HAS2: variants seen among roughly 807,000 people sequenced by gnomAD.
The protein encoded by HAS2 is hyaluronan synthase 2.
HAS2 carries 16 observed loss-of-function variants against 51.6 expected under a neutral mutation model. The observed-to-expected ratio is 0.31, with a 90% CI of 0.21 to 0.47. The LOEUF is 0.47. HAS2 is among the 20% of genes least tolerant of loss of function. HAS2 has a pLI of 1.00. For synonymous variants in HAS2, 228 were observed against 235.5 expected (o/e 0.97, Z 0.29); for missense variants, 361 against 662.6 (o/e 0.54, Z 5.00).
At chr8:121,630,137 C>G (rs112330658) in intron 1 of HAS2, among the ~76,000 whole-genome samples, 1 of 152,084 alleles carries the variant, frequency 6.6e-6, no homozygotes, top group Non-Finnish European at 1.5e-5. Context: ...ATCATGAATA[C>G]TAGATGATTA....
chr8:121,630,234 A>G (rs533128491), intron 1 of HAS2, among the ~76,000 whole-genome samples: 2 of 152,298 alleles, frequency 1.3e-5, no homozygotes, highest in South Asian at 2.1e-4. Context: ...GACAAATAAC[A>G]TCATGATTTA....
intron 2 of HAS2, among the ~76,000 whole-genome samples, chr8:121,622,651 G>T (rs1480165562): frequency 2.1e-5 from 3 of 144,072 alleles, no homozygotes. Flanking sequence ...TATAAAGATG[G>T]AATATTACAT....
chr8:121,614,136 T>C lies in HAS2; in HGVS notation c.1632A>G (p.Gln544=). The C allele has an allele frequency of 6.2e-7, 1 of 1,614,126 alleles. No individual in the cohort carries two copies. Among genetic ancestry groups the C allele is most frequent in the Non-Finnish European group, 8.5e-7 (1 of 1,179,980 alleles). ...ATACATCAAGCACCATGTCATATTG[T>C]TGTCCCTTCTTCCGCCTGCCACACT... The part of the protein sequence containing the change: ...INKCGRRKKG[Q]QYDMVLDV Residue 544 remains glutamine (Q), a synonymous_variant, in exon 4 of 4, where the codon CAA becomes CAG. Coordinates refer to ENST00000303924, the MANE Select transcript of HAS2 (RefSeq NM_005328.3). This position sits in a 1 kb window ranked among gnomAD's most constrained non-coding sequence, Gnocchi z 7.2.
At chr8:121,620,283 A>AGCCCTT (rs1812756438) in intron 2 of HAS2, among the ~76,000 whole-genome samples, 3 of 152,320 alleles carry the variant, frequency 2.0e-5, no homozygotes, top group African/African-American at 7.2e-5. Context: ...GCATAATTTT[A>AGCCCTT]GCCCTTCTTA....
intron 1 of HAS2, among the ~76,000 whole-genome samples, chr8:121,639,028 T>C (rs1563625333): frequency 6.6e-6 from 1 of 152,232 alleles, no homozygotes; most frequent in Non-Finnish European, 1.5e-5. Context: ...CCTGGTTTAA[T>C]ACCGCCAGAA....
chr8:121,635,190 A>AGGTCAAACTGACC (rs1812992815), intron 1 of HAS2, among the ~76,000 whole-genome samples: 1 of 152,118 alleles, frequency 6.6e-6, no homozygotes, highest in African/African-American at 2.4e-5. Flanking sequence ...GACCTCTGGA[A>AGGTCAAACTGACC]CCAGACTGAG....
At chr8:121,626,147 G>A (rs1406648691) in intron 2 of HAS2, among the ~76,000 whole-genome samples, 3 of 152,162 alleles carry the variant, frequency 2.0e-5, no homozygotes, top group Non-Finnish European at 4.4e-5. Flanking sequence ...GACAAGAAGT[G>A]AGGTTGGATA....
intron 2 of HAS2, among the ~76,000 whole-genome samples, chr8:121,628,343 T>C (rs910627335): frequency 1.3e-5 from 2 of 152,160 alleles, no homozygotes; most frequent in Non-Finnish European, 2.9e-5. Flanking sequence ...AGGCAGACAC[T>C]ATTTTCTTAC....
chr8:121,626,911 C>G (rs1265959448), intron 2 of HAS2, among the ~76,000 whole-genome samples: 1 of 152,142 alleles, frequency 6.6e-6, no homozygotes, highest in African/African-American at 2.4e-5. Context: ...CTATCTCAGC[C>G]TGGAGGAAGA....
intron 1 of HAS2, among the ~76,000 whole-genome samples, chr8:121,635,706 T>A (rs1250804893): frequency 2.0e-5 from 3 of 152,232 alleles, no homozygotes; most frequent in African/African-American, 7.2e-5. Flanking sequence ...GTTCAGTGTC[T>A]TTTCAACTTT....
At position 121,613,683 on chromosome 8, in the gene HAS2, A is replaced by T. The variant is rs2130429459; in HGVS notation, c.*426T>A. The T allele has an allele frequency of 6.0e-6, 1 of 165,846 alleles. No homozygotes were observed. The highest frequency in any genetic ancestry group is 1.7e-4 in the East Asian group (1 of 5,990). The allele number at this position is 165,846 out of a possible 1,614,324, so 10.3% of individuals were successfully genotyped here. A position where few individuals can be genotyped will look rare whatever the true frequency, so the allele number is the denominator to read the frequency against. ...GGCATTTCATTTGGTAAAGTTAAAAAGAAAATCCTTCCTAAAAAAAAAAAA... is the reference window on the plus strand; with the variant it reads ...GGCATTTCATTTGGTAAAGTTAAAATGAAAATCCTTCCTAAAAAAAAAAAA... On this transcript the variant is annotated 3_prime_UTR_variant, in exon 4 of 4. Coordinates refer to ENST00000303924, the MANE Select transcript of HAS2 (RefSeq NM_005328.3).
intron 1 of HAS2, among the ~76,000 whole-genome samples, chr8:121,638,311 G>C (rs1181454629): frequency 6.6e-6 from 1 of 152,136 alleles, no homozygotes; most frequent in Admixed American, 6.5e-5. Context: ...TTCCAGGAAG[G>C]TAGCTGACTA....
rs562501827 is a variant in HAS2, at chr8:121,613,696, TA to T, written c.*412del. 859 of 155,400 alleles carry T rather than the reference TA, an allele frequency of 5.5e-3. No individual in the cohort carries two copies. The highest frequency in any genetic ancestry group is 0.021 in the South Asian group (118 of 5,618). The allele number at this position is 155,400 out of a possible 1,614,324, so 9.6% of individuals were successfully genotyped here. On this transcript the variant is annotated 3_prime_UTR_variant, in exon 4 of 4. Transcript: ENST00000303924. ...GTAAAGTTAAAAAGAAAATCCTTCC[TA>T]AAAAAAAAAAATTATCATCTATCAA... is the stretch of plus-strand genomic sequence containing the variant.
In HAS2 at chr8:121,615,023, C is replaced by T; in HGVS notation, c.745G>A (p.Asp249Asn). Residue 249 changes from aspartate to asparagine, a missense_variant, in exon 4 of 4, where the codon GAT becomes AAT. Around this residue, in one of 5 missense-constraint regions of HAS2, gnomAD observed 49 missense variants for 108.3 expected, o/e 0.45. Coordinates refer to ENST00000303924, the MANE Select transcript of HAS2 (RefSeq NM_005328.3). Reference protein sequence around the residue: ...GGDVQILNKYDSWISFLSSVR... With the variant: ...GGDVQILNKYNSWISFLSSVR... Reference sequence around the variant, plus strand: ...CTGCTGAGGAATGAGATCCAGGAATCGTACTTGTTTAAAATCTGCAAGAAG... The same window carrying T: ...CTGCTGAGGAATGAGATCCAGGAATTGTACTTGTTTAAAATCTGCAAGAAG... 1 of 1,598,300 alleles carries T rather than the reference C, an allele frequency of 6.3e-7. No homozygotes were observed. Among genetic ancestry groups the T allele is most frequent in the South Asian group, 1.1e-5 (1 of 88,834 alleles).
chr8:121,615,159 C>T, intron 3 of HAS2, 121 bp from the exon 4 acceptor site: 1 of 652,410 alleles, frequency 1.5e-6, no homozygotes, highest in Non-Finnish European at 2.6e-6. Flanking sequence ...ATTTTGGCTT[C>T]GTTCCTCTTT....
At chr8:121,633,111 C>T (rs1271659555) in intron 1 of HAS2, among the ~76,000 whole-genome samples, 2 of 149,088 alleles carry the variant, frequency 1.3e-5, no homozygotes, top group Non-Finnish European at 3.0e-5. Context: ...AGATTAGAAA[C>T]AAACTTTGAA....
At chr8:121,621,276 G>T (rs1482740398) in intron 2 of HAS2, among the ~76,000 whole-genome samples, 1 of 152,196 alleles carries the variant, frequency 6.6e-6, no homozygotes. Context: ...AGAGCCTGAA[G>T]TGTAGGATAT....
chr8:121,616,727 C>T (rs1234064326), intron 3 of HAS2, among the ~76,000 whole-genome samples: 2 of 152,092 alleles, frequency 1.3e-5, no homozygotes, highest in South Asian at 2.1e-4. Context: ...TAAACCACTG[C>T]GCCCGGCTCA....
chr8:121,622,702 T>C (rs1156716935), intron 2 of HAS2, among the ~76,000 whole-genome samples: 4 of 146,504 alleles, frequency 2.7e-5, no homozygotes, highest in East Asian at 2.0e-4. Context: ...AAAAAAAAAA[T>C]CAATCCAAAG....
Sources: gnomAD v4.1 joint callset for allele counts (sites outside exome capture counted in the v4.1 genomes callset) on GRCh38, gnomAD v4.1.1 for gene constraint, gnomAD v4.1.1 regional missense constraint, Gnocchi (gnomAD v3.1) non-coding constraint, MANE v1.5 for transcripts, NCBI Gene and HGNC (gene_info 2026-07-23, HGNC 2026-07-21) for gene names.